The following HNRNPL variants were observed in gnomAD, a reference collection of about 807,000 sequenced individuals.
HNRNPL encodes epididymis secretory sperm binding protein.
Under a neutral mutation model 64.0 loss-of-function variants are expected in HNRNPL, and 12 were observed. The observed-to-expected ratio is 0.19, with a 90% CI of 0.12 to 0.30. HNRNPL has a LOEUF of 0.30. HNRNPL is among the 10% of genes least tolerant of loss of function. HNRNPL has a pLI of 1.00. For missense variants in HNRNPL, 484 were observed against 797.4 expected (o/e 0.61, Z 4.73); for synonymous variants, 385 against 313.0 (o/e 1.23, Z -2.43).
At chr19:38,850,643 G>T (rs944810378), upstream of HNRNPL, among the ~76,000 whole-genome samples, 1 of 152,202 alleles carries the variant, frequency 6.6e-6, no homozygotes, top group African/African-American at 2.4e-5. Context: ...CCAGAGGCGG[G>T]GCCCCCTTAT....
chr19:38,843,636 T>A, intron 6 of HNRNPL: 2 of 584,594 alleles, frequency 3.4e-6, no homozygotes, highest in Non-Finnish European at 6.1e-6. Flanking sequence ...CTGAGCAGCA[T>A]CGGAGGGCCC....
chr19:38,852,001 C>T (rs962500725), upstream of HNRNPL, among the ~76,000 whole-genome samples: 1 of 151,748 alleles, frequency 6.6e-6, no homozygotes, highest in Non-Finnish European at 1.5e-5. Flanking sequence ...CGCTCCGTCC[C>T]AACGTCAGAG....
intron 8 of HNRNPL, among the ~76,000 whole-genome samples, chr19:38,839,843 G>A (rs1972050376): frequency 6.6e-6 from 1 of 152,264 alleles, no homozygotes; most frequent in South Asian, 2.1e-4. Context: ...AAATCTCTAT[G>A]TTCATGTACT....
chr19:38,840,308 C>T lies in HNRNPL; in HGVS notation c.1021G>A (p.Glu341Lys). ...EGYGPPPPHY[E>K]GRRMGPPVGG... ...ACTGGTGGACCCATCCTTCTCCCTT[C>T]GTAGTGAGGTGGGGGGGGCCCGTAG... The change falls in exon 8 of 13, where the codon GAA becomes AAA. Residue 341 changes from glutamate (E) to lysine (K), a missense_variant. Around this residue, in one of 9 missense-constraint regions of HNRNPL, gnomAD observed 46 missense variants for 37.4 expected, o/e 1.23. Coordinates refer to ENST00000221419, the MANE Select transcript of HNRNPL (RefSeq NM_001533.3). The T allele has an allele frequency of 1.3e-6, 2 of 1,558,312 alleles. No individual in the cohort carries two copies. Among genetic ancestry groups the T allele is most frequent in the Non-Finnish European group, 1.7e-6 (2 of 1,149,348 alleles).
At chr19:38,851,979 G>C (rs1385036920), upstream of HNRNPL, among the ~76,000 whole-genome samples, 1 of 151,778 alleles carries the variant, frequency 6.6e-6, no homozygotes, top group Non-Finnish European at 1.5e-5. Context: ...CGGTCGCGAC[G>C]AAGGGCGGGG....
At position 38,840,741 on chromosome 19, in the gene HNRNPL, G is replaced by C. The variant is rs572104032; in HGVS notation, c.881-182C>G. ...GCGGGCATGAAGCCCGAGCCTCAAA[G>C]CTGGTGCCCACTCTCCTTCCCCTGC... On this transcript the variant is annotated intron_variant, in intron 6 of 12. Transcript: ENST00000221419. 1.6e-3 allele frequency: 989 copies of C among 617,616 alleles called. 1 individual carries two copies. The highest frequency in any genetic ancestry group is 2.3e-3 in the Non-Finnish European group (797 of 352,902). 38.3% of individuals were successfully genotyped at this position (617,616 alleles called of 1,614,324 possible). A position where few individuals can be genotyped will look rare whatever the true frequency, so the allele number is the denominator to read the frequency against.
chr19:38,840,437 C>A, intron 7 of HNRNPL, 51 bp downstream of exon 7: 2 of 1,560,776 alleles, frequency 1.3e-6, no homozygotes, highest in East Asian at 2.3e-5. Flanking sequence ...GGGCGGCGGG[C>A]AGGGGCACAT....
chr19:38,841,876 T>A, intron 6 of HNRNPL: 1 of 372,164 alleles, frequency 2.7e-6, no homozygotes, highest in South Asian at 2.0e-5. Context: ...TGTTGTCACC[T>A]CCTCACATAT....
chr19:38,850,133 G>C, upstream of HNRNPL: 1 of 521,272 alleles, frequency 1.9e-6, no homozygotes, highest in African/African-American at 2.0e-5. Context: ...TCTGCAGGAG[G>C]GCCCGCCCTT....
rs567232056 is a variant in HNRNPL at position 38,836,933 on chromosome 19, T to C, written c.1712-153A>G. 1.3e-5 allele frequency: 8 copies of C among 595,208 alleles called. No individual in the cohort carries two copies. In the Admixed American group the frequency reaches 2.6e-4, roughly 19 times the overall value. 36.9% of individuals were successfully genotyped at this position (595,208 alleles called of 1,614,324 possible). ...AACGTGAGGCTTCAAGATGAGCCAA[T>C]TACCAATTATGCACGGCGTTTCTCC... On this transcript the variant is annotated intron_variant, in intron 12 of 12. Transcript: ENST00000221419.
intron 10 of HNRNPL, 25 bp downstream of exon 10, chr19:38,838,372 G>A: frequency 1.3e-6 from 2 of 1,591,600 alleles, no homozygotes; most frequent in African/African-American, 1.3e-5. Flanking sequence ...GGACCCGACT[G>A]CCTGCGCAGC....
upstream of HNRNPL, chr19:38,850,029 GC>G: frequency 2.3e-6 from 3 of 1,282,476 alleles, no homozygotes; most frequent in Non-Finnish European, 3.0e-6. Context: ...GTCACCCGCC[GC>G]CCCCACCCGA....
rs150432009 is a variant in HNRNPL at position 38,846,951 on chromosome 19, G to A, written c.386+365C>T. ...AAATATATATATGTAAAAATTAGCC[G>A]GGCATGGTGGCGCATGCCTATAGTC... is the stretch of plus-strand genomic sequence containing the variant. On this transcript the variant is annotated intron_variant, in intron 2 of 12. Transcript: ENST00000221419. 4.1e-3 allele frequency among the ~76,000 whole-genome samples: 629 copies of A among 151,988 alleles called. 1 individual carries two copies. The highest frequency in any genetic ancestry group is 7.5e-3 in the Non-Finnish European group (512 of 67,968).
At chr19:38,847,735 T>C (rs572264040) in intron 1 of HNRNPL, 129 of 203,098 alleles carry the variant, frequency 6.4e-4, no homozygotes, top group African/African-American at 2.8e-3. Flanking sequence ...GGGACCCCCC[T>C]CTCTTCCCAC....
At position 38,845,357 on chromosome 19, in the gene HNRNPL, G is replaced by A. The variant is rs541412552; in HGVS notation, c.710+293C>T. 205 of 350,546 alleles carry A rather than the reference G, an allele frequency of 5.8e-4. 1 individual carries two copies. Among genetic ancestry groups the A allele is most frequent in the African/African-American group, 4.2e-3 (199 of 47,546 alleles). The allele number at this position is 350,546 out of a possible 1,614,324, so 21.7% of individuals were successfully genotyped here. On this transcript the variant is annotated intron_variant, in intron 4 of 12. Coordinates refer to ENST00000221419, the MANE Select transcript of HNRNPL (RefSeq NM_001533.3). ...CTGCACTCCAGCCCAGGCAACAAGG[G>A]CTAAACTCCATCTCAATAAATAAAT...
At chr19:38,845,532 C>A in intron 4 of HNRNPL, 118 bp downstream of exon 4, 1 of 795,852 alleles carries the variant, frequency 1.3e-6, no homozygotes, top group Non-Finnish European at 2.2e-6. Context: ...GTGAAGGCAT[C>A]TGGCACATGG....
chr19:38,845,536 C>T, intron 4 of HNRNPL, 114 bp downstream of exon 4: 2 of 820,440 alleles, frequency 2.4e-6, no homozygotes, highest in Admixed American at 3.7e-5. Context: ...AGGCATCTGG[C>T]ACATGGCAGC....
intron 1 of HNRNPL, chr19:38,849,450 T>C (rs2145440263): frequency 2.5e-6 from 1 of 402,354 alleles, no homozygotes; most frequent in Non-Finnish European, 4.1e-6. Flanking sequence ...GCCTGCGCAC[T>C]GGGCCATTCG....
At chr19:38,837,342 T>C (rs763594494) in intron 12 of HNRNPL, 42 bp downstream of exon 12, 2 of 1,512,250 alleles carry the variant, frequency 1.3e-6, no homozygotes, top group Non-Finnish European at 1.8e-6. Context: ...GCCAACCCAT[T>C]AGGTCACCAG....
Sources: allele counts gnomAD v4.1 joint callset (sites outside exome capture counted in the v4.1 genomes callset), GRCh38; gene constraint gnomAD v4.1.1; regional missense constraint gnomAD v4.1.1; transcripts MANE v1.5; gene names NCBI Gene and HGNC (gene_info 2026-07-23, HGNC 2026-07-21).